Variants in PCNX2 observed in about 807,000 individuals in gnomAD.
PCNX2 encodes pecanex-like protein 2.
Under a neutral mutation model 223.8 loss-of-function variants are expected in PCNX2, and 168 were observed. That is an observed-to-expected ratio of 0.75 (90% CI 0.66 to 0.85). The LOEUF is 0.85. PCNX2 is among the 40% of genes least tolerant of loss of function. The pLI is 0.00. For synonymous variants in PCNX2, 1,006 were observed against 1,052.6 expected (o/e 0.96, Z 0.86); for missense variants, 2,507 against 2,675.5 (o/e 0.94, Z 1.39).
intron 28 of PCNX2, among the ~76,000 whole-genome samples, chr1:233,007,088 T>G (rs546950528): frequency 6.6e-6 from 1 of 151,906 alleles, no homozygotes; most frequent in Non-Finnish European, 1.5e-5. Context: ...TCCAAAGGCA[T>G]GTACAGTCGC....
Position 233,069,373 on chromosome 1 carries a change from T to A in PCNX2, c.4077-12083A>T, listed in dbSNP as rs570792343. Among the ~76,000 whole-genome samples the A allele has an allele frequency of 3.3e-5, 5 of 152,272 alleles. No individual in the cohort carries two copies. The South Asian group carries it at 1.0e-3, about 32-fold the overall frequency. On this transcript the variant is annotated intron_variant, in intron 23 of 33. Transcript: ENST00000258229. ...CAACCATCATTACCTATTCAACATT[T>A]ACTGCACACTCCACCCAACAATGGT... is the stretch of plus-strand genomic sequence containing the variant.
At chr1:233,044,395 A>C (rs1671754026) in intron 25 of PCNX2, among the ~76,000 whole-genome samples, 1 of 152,186 alleles carries the variant, frequency 6.6e-6, no homozygotes, top group Non-Finnish European at 1.5e-5. Flanking sequence ...TTTGCTGTGC[A>C]GAAGCTCTTT....
chr1:232,995,204 G>C (rs1387523311), intron 32 of PCNX2, among the ~76,000 whole-genome samples: 1 of 152,164 alleles, frequency 6.6e-6, no homozygotes, highest in East Asian at 1.9e-4. Context: ...CAGCAAGGCA[G>C]GTGAGTTCAA....
intron 21 of PCNX2, chr1:233,112,742 T>G: frequency 2.1e-6 from 2 of 940,626 alleles, no homozygotes; most frequent in Non-Finnish European, 2.8e-6. Context: ...ATATTTATTA[T>G]AGTATACTTT....
intron 23 of PCNX2, among the ~76,000 whole-genome samples, chr1:233,072,952 G>A (rs1672921935): frequency 1.3e-5 from 2 of 152,062 alleles, no homozygotes; most frequent in Admixed American, 6.5e-5. Context: ...GAGAATAATT[G>A]GTGTTAATTC....
chr1:233,045,216 A>G (rs1671784817), intron 25 of PCNX2, among the ~76,000 whole-genome samples: 1 of 152,154 alleles, frequency 6.6e-6, no homozygotes. Context: ...AGTCATGTCA[A>G]TCGTGGACAG....
chr1:233,097,276 G>C (rs1207842612), intron 21 of PCNX2, among the ~76,000 whole-genome samples: 1 of 151,708 alleles, frequency 6.6e-6, no homozygotes, highest in East Asian at 1.9e-4. Flanking sequence ...AGAATGATAG[G>C]GAGTGTGGCA....
intron 1 of PCNX2, among the ~76,000 whole-genome samples, chr1:233,276,469 G>A (rs901236890): frequency 1.3e-5 from 2 of 151,990 alleles, no homozygotes; most frequent in African/African-American, 4.8e-5. Context: ...GGTTATGATG[G>A]GACATTCTAT....
intron 15 of PCNX2, among the ~76,000 whole-genome samples, chr1:233,181,418 G>A (rs58213875): frequency 1.2e-3 from 185 of 152,052 alleles, no homozygotes; most frequent in African/African-American, 3.1e-3. Flanking sequence ...GACTGGTTTC[G>A]AACTCCTGAC....
At chr1:233,103,533 T>C (rs923324458) in intron 21 of PCNX2, among the ~76,000 whole-genome samples, 1 of 152,168 alleles carries the variant, frequency 6.6e-6, no homozygotes, top group African/African-American at 2.4e-5. Context: ...TGAGAATATA[T>C]AATGTTTATC....
At chr1:233,107,350 T>C (rs1674856966) in intron 21 of PCNX2, among the ~76,000 whole-genome samples, 1 of 152,008 alleles carries the variant, frequency 6.6e-6, no homozygotes, top group Non-Finnish European at 1.5e-5. Flanking sequence ...ATCAAGCCAC[T>C]CCATTCCAGC....
chr1:233,015,284 G>T (rs1310492800), intron 27 of PCNX2, among the ~76,000 whole-genome samples: 2 of 152,174 alleles, frequency 1.3e-5, no homozygotes, highest in African/African-American at 4.8e-5. Flanking sequence ...CGGGCATGGT[G>T]GCTCATAACT....
At chr1:233,222,494 C>A (rs984034698) in intron 10 of PCNX2, among the ~76,000 whole-genome samples, 1 of 151,882 alleles carries the variant, frequency 6.6e-6, no homozygotes, top group Admixed American at 6.6e-5. Flanking sequence ...GAGTTTGTGA[C>A]CAGCCTAGGC....
At chr1:233,279,093 A>G (rs1362400371) in intron 1 of PCNX2, among the ~76,000 whole-genome samples, 1 of 152,232 alleles carries the variant, frequency 6.6e-6, no homozygotes, top group East Asian at 1.9e-4. Context: ...GAATTCAGAG[A>G]CTAAAATCTG....
At chr1:233,068,651 T>G (rs2102899007) in intron 23 of PCNX2, among the ~76,000 whole-genome samples, 1 of 152,194 alleles carries the variant, frequency 6.6e-6, no homozygotes, top group East Asian at 1.9e-4. Context: ...ACCAGTAGAT[T>G]TTGAACAATT....
At chr1:233,211,836 A>G in intron 12 of PCNX2, 1 of 984,420 alleles carries the variant, frequency 1.0e-6, no homozygotes, top group Non-Finnish European at 1.2e-6. Context: ...AATTCGGAGA[A>G]TGAGGAAAGC....
intron 17 of PCNX2, among the ~76,000 whole-genome samples, chr1:233,162,142 A>G (rs1044957694): frequency 1.3e-5 from 2 of 152,160 alleles, no homozygotes; most frequent in Non-Finnish European, 2.9e-5. Flanking sequence ...AAAACAAAGC[A>G]AAGTTCAGCC....
chr1:233,259,682 T>A (rs1331751532), intron 4 of PCNX2, among the ~76,000 whole-genome samples: 1 of 151,924 alleles, frequency 6.6e-6, no homozygotes, highest in East Asian at 1.9e-4. Context: ...GTCCATGTGT[T>A]CTCATTATTC....
rs369431993 is a variant in PCNX2 at position 233,075,696 on chromosome 1, AACACACACACAC to A, written c.4076+14353_4076+14364del. Reference sequence around the variant, plus strand: ...GCATTTGAATCTGCAGTTAGCTTAAAACACACACACACACACACACACACACACACACACACA... The same window carrying A: ...GCATTTGAATCTGCAGTTAGCTTAAAACACACACACACACACACACACACA... On this transcript the variant is annotated intron_variant, in intron 23 of 33. Coordinates refer to ENST00000258229, the MANE Select transcript of PCNX2 (RefSeq NM_014801.4). Among the ~76,000 whole-genome samples the A allele has an allele frequency of 4.1e-3, 563 of 137,346 alleles. 4 individuals are homozygous for A. The highest frequency in any genetic ancestry group is 0.013 in the African/African-American group (485 of 36,078). 90.1% of individuals were successfully genotyped at this position (137,346 alleles called of 152,430 possible).
Sources: allele counts gnomAD v4.1 joint callset (sites outside exome capture counted in the v4.1 genomes callset), GRCh38; gene constraint gnomAD v4.1.1; transcripts MANE v1.5; gene names NCBI Gene and HGNC (gene_info 2026-07-23, HGNC 2026-07-21).